JAKMIP1: variants seen among roughly 807,000 people sequenced by gnomAD.
The protein encoded by JAKMIP1 is janus kinase and microtubule-interacting protein 1.
A neutral mutation model predicts 113.0 loss-of-function variants in JAKMIP1; 33 were observed. The ratio of observed to expected loss-of-function variants is 0.29; its 90% CI spans 0.22 to 0.39. The LOEUF is 0.39. JAKMIP1 is among the 10% of genes least tolerant of loss of function. The pLI, the probability that JAKMIP1 is intolerant of heterozygous loss-of-function variation, is 1.00. For missense variants in JAKMIP1, 813 were observed against 1,080.5 expected (o/e 0.75, Z 3.47); for synonymous variants, 480 against 459.9 (o/e 1.04, Z -0.56).
chr4:6,083,297 G>A (rs1720848837), intron 5 of JAKMIP1, among the ~76,000 whole-genome samples: 1 of 151,750 alleles, frequency 6.6e-6, no homozygotes, highest in Non-Finnish European at 1.5e-5. Flanking sequence ...TAGCTACTTG[G>A]GAGGCTGAGG....
intron 11 of JAKMIP1, 80 bp downstream of exon 11, chr4:6,060,344 G>A: frequency 9.3e-7 from 1 of 1,074,814 alleles, no homozygotes; most frequent in East Asian, 2.4e-5. Flanking sequence ...TGTCCCCCTT[G>A]GCACAAGGGC....
intron 1 of JAKMIP1, among the ~76,000 whole-genome samples, chr4:6,113,874 T>C (rs1446761381): frequency 6.6e-6 from 1 of 152,190 alleles, no homozygotes; most frequent in Non-Finnish European, 1.5e-5. Context: ...CCTCCATGCC[T>C]AGAACAGAGG....
In JAKMIP1 at chr4:6,129,447, G is replaced by A. The variant is rs1327905799; in HGVS notation, c.-147-16450C>T. On this transcript the variant is annotated intron_variant, in intron 1 of 20. Coordinates refer to ENST00000409021, the MANE Select transcript of JAKMIP1 (RefSeq NM_001099433.2). The surrounding 1 kb of genome is among the most constrained non-coding windows in gnomAD (Gnocchi z 5.4). Reference sequence around the variant, plus strand: ...GTGTTTGATCTCTATGATCTACAAGGTTTGAGATCACATTGAAGTCGACTG... The same window carrying A: ...GTGTTTGATCTCTATGATCTACAAGATTTGAGATCACATTGAAGTCGACTG... Among the ~76,000 whole-genome samples the A allele has an allele frequency of 1.3e-5, 2 of 152,132 alleles. No individual in the cohort carries two copies. The highest frequency in any genetic ancestry group is 2.4e-5 in the African/African-American group (1 of 41,428).
In JAKMIP1 at chr4:6,097,647, C is replaced by G. The variant is rs533988603; in HGVS notation, c.624+7826G>C. Among the ~76,000 whole-genome samples the G allele has an allele frequency of 1.3e-5, 2 of 152,274 alleles. No homozygotes were observed. Among genetic ancestry groups the G allele is most frequent in the South Asian group, 2.1e-4 (1 of 4,832 alleles). ...AGGGATGCTCAACCTATTTCTATAC[C>G]ACCTTTGGAAAACTCCATAAGGATG... On this transcript the variant is annotated intron_variant, in intron 3 of 20. Transcript: ENST00000409021. The surrounding 1 kb of genome is among the most constrained non-coding windows in gnomAD (Gnocchi z 4.3).
At chr4:6,107,670 C>T (rs1347416355) in intron 2 of JAKMIP1, among the ~76,000 whole-genome samples, 3 of 152,188 alleles carry the variant, frequency 2.0e-5, no homozygotes, top group Non-Finnish European at 4.4e-5. Context: ...GCCTGCTGGT[C>T]TGCCCTACAC....
intron 1 of JAKMIP1, among the ~76,000 whole-genome samples, chr4:6,173,746 T>A (rs139847519): frequency 6.6e-6 from 1 of 152,326 alleles, no homozygotes; most frequent in East Asian, 1.9e-4. Flanking sequence ...CCCTAAATGT[T>A]GTGACTTTTA....
intron 20 of JAKMIP1, among the ~76,000 whole-genome samples, chr4:6,028,215 A>C (rs1167260910): frequency 1.3e-5 from 2 of 152,216 alleles, no homozygotes; most frequent in African/African-American, 4.8e-5. Context: ...TCTTAAATCC[A>C]ATTATACTTG....
rs1367761476 is a variant in JAKMIP1 at position 6,187,805 on chromosome 4, AC to A, written c.-148+12447del. Among the ~76,000 whole-genome samples, 1 of 152,216 alleles carries A rather than the reference AC, an allele frequency of 6.6e-6. No individual in the cohort carries two copies. Among genetic ancestry groups the A allele is most frequent in the Non-Finnish European group, 1.5e-5 (1 of 68,038 alleles). Reference sequence around the variant, plus strand: ...ATATATTTTATCCCTGACAACATCTACCTTTTGACTGGCTTATTTAACCTAT... The same window carrying A: ...ATATATTTTATCCCTGACAACATCTACTTTTGACTGGCTTATTTAACCTAT... On this transcript the variant is annotated intron_variant, in intron 1 of 20. Transcript: ENST00000409021. This position sits in a 1 kb window ranked among gnomAD's most constrained non-coding sequence, Gnocchi z 4.2.
chr4:6,147,362 A>T (rs1374618203), intron 1 of JAKMIP1, among the ~76,000 whole-genome samples: 2 of 152,220 alleles, frequency 1.3e-5, no homozygotes, highest in East Asian at 3.8e-4. Flanking sequence ...AGGAAATAGT[A>T]ACTGGCTGTC....
At chr4:6,149,680 C>T (rs1487610927) in intron 1 of JAKMIP1, among the ~76,000 whole-genome samples, 1 of 152,112 alleles carries the variant, frequency 6.6e-6, no homozygotes, top group Non-Finnish European at 1.5e-5. Flanking sequence ...ATATCAAGTT[C>T]CCTTTCTCCC....
intron 1 of JAKMIP1, among the ~76,000 whole-genome samples, chr4:6,118,693 A>G (rs1716207537): frequency 6.6e-6 from 1 of 151,950 alleles, no homozygotes; most frequent in Admixed American, 6.6e-5. Flanking sequence ...AACATTGTAG[A>G]GGCAAGCAGA....
At chr4:6,035,544 G>A (rs1440153936) in intron 19 of JAKMIP1, among the ~76,000 whole-genome samples, 1 of 152,160 alleles carries the variant, frequency 6.6e-6, no homozygotes, top group Non-Finnish European at 1.5e-5. Context: ...ATGCTCCAAT[G>A]AGCCGCCATC....
In JAKMIP1 at chr4:6,062,315, G is replaced by A. The variant is rs769493753; in HGVS notation, c.1557C>T (p.Ala519=). Residue 519 remains alanine, a synonymous_variant, in exon 10 of 21, where the codon GCC becomes GCT. Transcript: ENST00000409021. Reference sequence around the variant, plus strand: ...CCCTGAGGCTGGCTGCACTCACCCGGGCCTCCCTCTCAGCGTCCAGCGTGC... The same window carrying A: ...CCCTGAGGCTGGCTGCACTCACCCGAGCCTCCCTCTCAGCGTCCAGCGTGC... ...VGGTLDAERE[A]RTREQLQADL... is the part of the protein sequence containing the mutation. 1 of 1,612,302 alleles carries A rather than the reference G, an allele frequency of 6.2e-7. No homozygotes were observed. Among genetic ancestry groups the A allele is most frequent in the Non-Finnish European group, 8.5e-7 (1 of 1,179,904 alleles).
chr4:6,109,387 C>A (rs1714536815), intron 2 of JAKMIP1, among the ~76,000 whole-genome samples: 1 of 151,834 alleles, frequency 6.6e-6, no homozygotes, highest in East Asian at 1.9e-4. Flanking sequence ...CCCGCCTTGG[C>A]CTCCCAAAGT....
In JAKMIP1 at chr4:6,059,430, G is replaced by A. The variant is rs539696356; in HGVS notation, c.1644+994C>T. Among the ~76,000 whole-genome samples the A allele has an allele frequency of 9.2e-5, 14 of 152,152 alleles. No homozygotes were observed. In the East Asian group the frequency reaches 1.2e-3, roughly 13 times the overall value. Reference sequence around the variant, plus strand: ...CTCTTACACCCCTTGCTTCACACCCGCCTCCTCCCACTGTATCCCACCAGG... The same window carrying A: ...CTCTTACACCCCTTGCTTCACACCCACCTCCTCCCACTGTATCCCACCAGG... On this transcript the variant is annotated intron_variant, in intron 11 of 20. Coordinates refer to ENST00000409021, the MANE Select transcript of JAKMIP1 (RefSeq NM_001099433.2). The surrounding 1 kb of genome is among the most constrained non-coding windows in gnomAD (Gnocchi z 4.8).
In JAKMIP1 at chr4:6,186,303, A is replaced by C. The variant is rs1458613812; in HGVS notation, c.-148+13950T>G. On this transcript the variant is annotated intron_variant, in intron 1 of 20. Coordinates refer to ENST00000409021, the MANE Select transcript of JAKMIP1 (RefSeq NM_001099433.2). The surrounding 1 kb of genome is among the most constrained non-coding windows in gnomAD (Gnocchi z 5.5). ...TCCAGGAAAGTGGGATGGTGAGCAA[A>C]AGCATGGAAGTTGGAAAAGGAGGTG... 6.6e-6 allele frequency among the ~76,000 whole-genome samples: 1 copy of C among 152,150 alleles called. No homozygotes were observed. The highest frequency in any genetic ancestry group is 1.9e-4 in the East Asian group (1 of 5,180).
At position 6,111,543 on chromosome 4, in the gene JAKMIP1, G is replaced by A. The variant is rs532968215; in HGVS notation, c.129+1179C>T. Among the ~76,000 whole-genome samples the A allele has an allele frequency of 6.7e-4, 102 of 152,276 alleles. 1 individual carries two copies. The highest frequency in any genetic ancestry group is 1.1e-3 in the Admixed American group (17 of 15,298). On this transcript the variant is annotated intron_variant, in intron 2 of 20. Coordinates refer to ENST00000409021, the MANE Select transcript of JAKMIP1 (RefSeq NM_001099433.2). Reference sequence around the variant, plus strand: ...CAGATCCTCATGACCATCTTAAACCGGACAGCTATAATTACACCATAATAG... The same window carrying A: ...CAGATCCTCATGACCATCTTAAACCAGACAGCTATAATTACACCATAATAG...
intron 1 of JAKMIP1, among the ~76,000 whole-genome samples, chr4:6,159,787 C>T (rs970028337): frequency 6.6e-6 from 1 of 152,162 alleles, no homozygotes; most frequent in Admixed American, 6.5e-5. Flanking sequence ...ACTGCTTTCG[C>T]TAATAGCTTC....
Position 6,069,820 on chromosome 4 carries a change from C to T in JAKMIP1, c.1303-4812G>A, listed in dbSNP as rs1718705173. Reference sequence around the variant, plus strand: ...AGAGTAAACATGTCTCCTCCATTTACACTTTGCATATACAGAGGTGCTCTT... The same window carrying T: ...AGAGTAAACATGTCTCCTCCATTTATACTTTGCATATACAGAGGTGCTCTT... On this transcript the variant is annotated intron_variant, in intron 8 of 20. Coordinates refer to ENST00000409021, the MANE Select transcript of JAKMIP1 (RefSeq NM_001099433.2). The surrounding 1 kb of genome is among the most constrained non-coding windows in gnomAD (Gnocchi z 4.5). Among the ~76,000 whole-genome samples the T allele has an allele frequency of 6.6e-6, 1 of 151,858 alleles. No homozygotes were observed. The highest frequency in any genetic ancestry group is 2.4e-5 in the African/African-American group (1 of 41,310).
Sources: allele counts gnomAD v4.1 joint callset (sites outside exome capture counted in the v4.1 genomes callset), GRCh38; gene constraint gnomAD v4.1.1; non-coding constraint Gnocchi (gnomAD v3.1); transcripts MANE v1.5; gene names NCBI Gene and HGNC (gene_info 2026-07-23, HGNC 2026-07-21).